Variants in HDAC9 observed in about 807,000 individuals in gnomAD.
The protein encoded by HDAC9 is MEF-2 interacting transcription repressor (MITR) protein.
In HDAC9, 41 loss-of-function variants were observed where a neutral mutation model predicts 139.4. That is an observed-to-expected ratio of 0.29 (90% confidence interval 0.23 to 0.38). The LOEUF (loss-of-function observed/expected upper bound fraction) is 0.38. Among genes scored for constraint, HDAC9 ranks in the 10% least tolerant of loss-of-function variants. The pLI, the probability that HDAC9 is intolerant of heterozygous loss-of-function variation, is 1.00. For synonymous variants in HDAC9, 517 were observed against 476.2 expected (o/e 1.09, Z -1.12); for missense variants, 1,147 against 1,297.0 (o/e 0.88, Z 1.78).
At chr7:18,282,644 C>T (rs1378930952) in intron 2 of HDAC9, among the ~76,000 whole-genome samples, 1 of 152,066 alleles carries the variant, frequency 6.6e-6, no homozygotes, top group Non-Finnish European at 1.5e-5. Flanking sequence ...AATTTATCCC[C>T]ATGTATTCCA....
intron 6 of HDAC9, among the ~76,000 whole-genome samples, chr7:18,613,206 A>G (rs1370762881): frequency 6.6e-6 from 1 of 151,608 alleles, no homozygotes; most frequent in Non-Finnish European, 1.5e-5. Flanking sequence ...AATATATTGG[A>G]AAGAACAGTC....
intron 9 of HDAC9, among the ~76,000 whole-genome samples, chr7:18,646,062 C>CA (rs1196613124): frequency 6.6e-6 from 1 of 151,348 alleles, no homozygotes; most frequent in African/African-American, 2.4e-5. Flanking sequence ...AAATGAAAAA[C>CA]AAAAAAAGGA....
chr7:18,600,883 G>A (rs1833758949), intron 6 of HDAC9, among the ~76,000 whole-genome samples: 1 of 152,094 alleles, frequency 6.6e-6, no homozygotes, highest in South Asian at 2.1e-4. Flanking sequence ...GCAGTGCAGT[G>A]GTGCAATCTC....
intron 1 of HDAC9, among the ~76,000 whole-genome samples, chr7:18,338,880 C>T (rs1213407373): frequency 1.3e-5 from 2 of 151,390 alleles, no homozygotes; most frequent in South Asian, 2.1e-4. Context: ...CAACAGTCAA[C>T]TCCATCTGGG....
intron 2 of HDAC9, among the ~76,000 whole-genome samples, chr7:18,190,244 C>T (rs1790246364): frequency 6.6e-6 from 1 of 152,084 alleles, no homozygotes; most frequent in African/African-American, 2.4e-5. Flanking sequence ...CACGCCCGGC[C>T]ATAAATAACT....
At chr7:18,918,488 A>C (rs1803408068) in intron 22 of HDAC9, among the ~76,000 whole-genome samples, 1 of 152,092 alleles carries the variant, frequency 6.6e-6, no homozygotes, top group Non-Finnish European at 1.5e-5. Context: ...TGATTTTTAT[A>C]GCTTTTATTA....
chr7:18,147,635 AT>A (rs35788413), intron 1 of HDAC9, among the ~76,000 whole-genome samples: 32,160 of 149,518 alleles, frequency 0.22, 3,636 homozygotes, highest in South Asian at 0.41. Context: ...CTCAGGACTC[AT>A]TTTTTTTTTA....
At chr7:18,480,680 G>T (rs1327310982) in intron 1 of HDAC9, among the ~76,000 whole-genome samples, 1 of 152,134 alleles carries the variant, frequency 6.6e-6, no homozygotes, top group Non-Finnish European at 1.5e-5. Context: ...GCTGCAACAC[G>T]TGTTTCTATA....
At chr7:18,458,331 A>G (rs1199900220) in intron 1 of HDAC9, among the ~76,000 whole-genome samples, 1 of 152,240 alleles carries the variant, frequency 6.6e-6, no homozygotes, top group Admixed American at 6.5e-5. Context: ...AGATGAGCAT[A>G]TGTGAACTAT....
intron 2 of HDAC9, among the ~76,000 whole-genome samples, chr7:18,512,103 T>TA: frequency 6.6e-6 from 1 of 151,942 alleles, no homozygotes; most frequent in Non-Finnish European, 1.5e-5. Context: ...AAACTCTTAT[T>TA]AAACTAAAAA....
In HDAC9 at chr7:18,769,573, C is replaced by A. The variant is rs185698511; in HGVS notation, c.2214+2418C>A. 3.3e-5 allele frequency among the ~76,000 whole-genome samples: 5 copies of A among 150,276 alleles called. No homozygotes were observed. In the South Asian group the frequency reaches 1.1e-3, roughly 32 times the overall value. On this transcript the variant is annotated intron_variant, in intron 16 of 25. Transcript: ENST00000686413. ...GTGTGAATGTGTGTGTGTGTGTGTG[C>A]AAGTTTGCACTTGCTGATGCTCTTG...
intron 17 of HDAC9, among the ~76,000 whole-genome samples, chr7:18,821,171 C>G (rs541048412): frequency 6.6e-6 from 1 of 152,340 alleles, no homozygotes; most frequent in East Asian, 1.9e-4. Flanking sequence ...TTATAATGGC[C>G]TTATCCGATT....
In HDAC9 at chr7:18,896,162, A is replaced by T. The variant is rs531266088; in HGVS notation, c.2803+21566A>T. Among the ~76,000 whole-genome samples, 85 of 152,164 alleles carry T rather than the reference A, an allele frequency of 5.6e-4. 2 individuals are homozygous for T. The highest frequency in any genetic ancestry group is 3.4e-3 in the Middle Eastern group (1 of 294). On this transcript the variant is annotated intron_variant, in intron 22 of 25. Transcript: ENST00000686413. ...CTGTTGACGTTTAAATGTAAATTTT[A>T]TTTTCCATTAGAGTCTTATTTATGT...
chr7:18,634,533 G>T (rs183393861), intron 7 of HDAC9, 94 bp from the exon 8 acceptor site: 3 of 743,866 alleles, frequency 4.0e-6, no homozygotes, highest in East Asian at 5.8e-5. Context: ...TACATAGGGG[G>T]AAAATAACAT....
intron 1 of HDAC9, among the ~76,000 whole-genome samples, chr7:18,141,183 C>G (rs1340717634): frequency 6.6e-6 from 1 of 152,152 alleles, no homozygotes; most frequent in Non-Finnish European, 1.5e-5. Context: ...GTATTGTTCC[C>G]TTGCTAGTTT....
intron 1 of HDAC9, among the ~76,000 whole-genome samples, chr7:18,366,937 TTAAAA>T (rs1211316180): frequency 6.6e-6 from 1 of 152,128 alleles, no homozygotes; most frequent in Non-Finnish European, 1.5e-5. Flanking sequence ...AGTATGCCTA[TTAAAA>T]TCTCCTACAT....
intron 2 of HDAC9, among the ~76,000 whole-genome samples, chr7:18,180,443 A>G (rs1789331932): frequency 6.6e-6 from 1 of 151,754 alleles, no homozygotes; most frequent in African/African-American, 2.4e-5. Flanking sequence ...TAAGTCACTG[A>G]TAAGATTGAT....
At chr7:18,158,461 T>C (rs1285817374) in intron 1 of HDAC9, among the ~76,000 whole-genome samples, 1 of 152,216 alleles carries the variant, frequency 6.6e-6, no homozygotes, top group Non-Finnish European at 1.5e-5. Context: ...TTGATGTTCA[T>C]ACAGCTCTGC....
chr7:18,790,715 G>A (rs1166924872), intron 16 of HDAC9, among the ~76,000 whole-genome samples: 1 of 152,112 alleles, frequency 6.6e-6, no homozygotes, highest in African/African-American at 2.4e-5. Flanking sequence ...ATAGGTTGAG[G>A]TGGTATTGAG....
Sources: allele counts gnomAD v4.1 joint callset (sites outside exome capture counted in the v4.1 genomes callset), GRCh38; gene constraint gnomAD v4.1.1; transcripts MANE v1.5; gene names NCBI Gene and HGNC (gene_info 2026-07-23, HGNC 2026-07-21).